The following WDR27 variants were observed in gnomAD, a reference collection of about 807,000 sequenced individuals.
The protein encoded by WDR27 is WD repeat-containing protein 27.
In WDR27, 100 loss-of-function variants were observed where a neutral mutation model predicts 114.4. That is an observed-to-expected ratio of 0.87 (90% CI 0.74 to 1.03). The LOEUF is 1.03. WDR27 is among the 50% of genes least tolerant of loss of function. The pLI is 0.00. For missense variants in WDR27, 1,129 were observed against 1,092.9 expected (o/e 1.03, Z -0.47); for synonymous variants, 449 against 423.1 (o/e 1.06, Z -0.75).
chr6:169,529,402 C>T (rs1385065822), intron 25 of WDR27, among the ~76,000 whole-genome samples: 1 of 150,356 alleles, frequency 6.7e-6, no homozygotes, highest in African/African-American at 2.4e-5. Flanking sequence ...TTTCTATTTT[C>T]CAAAATATGT....
chr6:169,682,690 C>A (rs1354961262), intron 2 of WDR27, among the ~76,000 whole-genome samples: 4 of 152,138 alleles, frequency 2.6e-5, no homozygotes, highest in Non-Finnish European at 5.9e-5. Flanking sequence ...CAAGCATCAG[C>A]AATGCTCAGG....
chr6:169,505,748 T>C (rs1791926421), intron 25 of WDR27, among the ~76,000 whole-genome samples: 2 of 152,256 alleles, frequency 1.3e-5, no homozygotes, highest in South Asian at 4.1e-4. Context: ...CATCATGCCA[T>C]GCCAGTGTCT....
At chr6:169,485,275 A>G (rs979042622) in intron 25 of WDR27, among the ~76,000 whole-genome samples, 1 of 152,246 alleles carries the variant, frequency 6.6e-6, no homozygotes, top group Non-Finnish European at 1.5e-5. Flanking sequence ...CATCTGACGA[A>G]GGTCTAATAA....
At chr6:169,577,343 C>G (rs1201284026) in intron 24 of WDR27, among the ~76,000 whole-genome samples, 1 of 152,302 alleles carries the variant, frequency 6.6e-6, no homozygotes, top group Non-Finnish European at 1.5e-5. Context: ...ATGGCGCCCC[C>G]CGATGTCCAC....
chr6:169,592,849 C>T (rs1806013911), intron 23 of WDR27, among the ~76,000 whole-genome samples: 1 of 152,100 alleles, frequency 6.6e-6, no homozygotes, highest in South Asian at 2.1e-4. Flanking sequence ...TCATGGATTC[C>T]TCTTTTACCG....
chr6:169,659,633 G>C lies in WDR27; in HGVS notation c.1130-115C>G, dbSNP rs948121862. The C allele has an allele frequency of 1.3e-4, 127 of 944,486 alleles. No individual in the cohort carries two copies. The African/African-American group carries it at 1.9e-3, about 14-fold the overall frequency. 58.5% of individuals were successfully genotyped at this position (944,486 alleles called of 1,614,324 possible). ...CCCAGAGCCCACCACACACAGTCCAGGCCCCACCACACACTTTGCAGGCTG... is the reference window on the plus strand; with the variant it reads ...CCCAGAGCCCACCACACACAGTCCACGCCCCACCACACACTTTGCAGGCTG... On this transcript the variant is annotated intron_variant, in intron 10 of 25. Coordinates refer to ENST00000448612, the MANE Select transcript of WDR27 (RefSeq NM_182552.5). The surrounding 1 kb of genome is among the most constrained non-coding windows in gnomAD (Gnocchi z 4.3).
chr6:169,449,266 TCTC>T, the WDR27 span, among the ~76,000 whole-genome samples: 1 of 152,152 alleles, frequency 6.6e-6, no homozygotes, highest in Non-Finnish European at 1.5e-5. Context: ...CATTCACCTC[TCTC>T]CTCTATTCCC....
intron 25 of WDR27, among the ~76,000 whole-genome samples, chr6:169,545,320 A>C (rs1797329766): frequency 6.6e-6 from 1 of 152,240 alleles, no homozygotes; most frequent in Non-Finnish European, 1.5e-5. Flanking sequence ...ACACATAAGA[A>C]AACATCCATG....
intron 16 of WDR27, among the ~76,000 whole-genome samples, chr6:169,646,746 T>C (rs1284917413): frequency 2.5e-5 from 3 of 119,956 alleles, no homozygotes; most frequent in Non-Finnish European, 5.0e-5. Context: ...AGTCTCTGTC[T>C]CAAAAAAAAA....
At chr6:169,521,801 A>T (rs1254124515) in intron 25 of WDR27, among the ~76,000 whole-genome samples, 20 of 152,074 alleles carry the variant, frequency 1.3e-4, no homozygotes, top group Admixed American at 1.3e-3. Flanking sequence ...CCTATAAAAG[A>T]GTGACAAAAA....
chr6:169,522,860 AG>A (rs1794548540), intron 25 of WDR27, among the ~76,000 whole-genome samples: 1 of 151,944 alleles, frequency 6.6e-6, no homozygotes, highest in Non-Finnish European at 1.5e-5. Context: ...AATTCAAAAA[AG>A]TAGAAAGGCT....
chr6:169,564,691 C>CCCACTCGTGGG (rs1800172681), intron 25 of WDR27, among the ~76,000 whole-genome samples: 1 of 115,626 alleles, frequency 8.6e-6, no homozygotes, highest in Admixed American at 9.7e-5. Context: ...GCCCGGTGCT[C>CCCACTCGTGGG]ACACTGGCTC....
intron 25 of WDR27, among the ~76,000 whole-genome samples, chr6:169,542,308 TAAAC>T (rs1468160763): frequency 2.6e-5 from 4 of 152,176 alleles, no homozygotes; most frequent in Non-Finnish European, 4.4e-5. Flanking sequence ...GTTATTAAAT[TAAAC>T]AAAGTAATTG....
At chr6:169,491,338 T>C (rs1292545792) in intron 25 of WDR27, among the ~76,000 whole-genome samples, 4 of 152,162 alleles carry the variant, frequency 2.6e-5, no homozygotes, top group African/African-American at 4.8e-5. Context: ...AGGGTGGGGT[T>C]ACTTAGTAAT....
chr6:169,545,911 G>A (rs548487979), intron 25 of WDR27, among the ~76,000 whole-genome samples: 2 of 151,578 alleles, frequency 1.3e-5, no homozygotes, highest in African/African-American at 4.8e-5. Context: ...AAACAACAAA[G>A]AGTACAATTA....
At chr6:169,548,761 A>G (rs1273031143) in intron 25 of WDR27, among the ~76,000 whole-genome samples, 2 of 152,210 alleles carry the variant, frequency 1.3e-5, no homozygotes, top group Non-Finnish European at 2.9e-5. Context: ...AATACAGCCA[A>G]CAGATCTTTG....
chr6:169,488,946 C>CA (rs374279199), intron 25 of WDR27, among the ~76,000 whole-genome samples: 5 of 135,560 alleles, frequency 3.7e-5, no homozygotes. Flanking sequence ...TTGATGCCCC[C>CA]TTTTTTTTTT....
intron 21 of WDR27, among the ~76,000 whole-genome samples, chr6:169,628,516 G>A (rs942469419): frequency 1.3e-5 from 2 of 152,162 alleles, no homozygotes; most frequent in Non-Finnish European, 2.9e-5. Context: ...GGTAAAACAA[G>A]TTTATTCAAT....
At chr6:169,543,416 G>A (rs1797068925) in intron 25 of WDR27, among the ~76,000 whole-genome samples, 2 of 152,124 alleles carry the variant, frequency 1.3e-5, no homozygotes, top group Non-Finnish European at 2.9e-5. Flanking sequence ...AGTTATTGAG[G>A]ATTCCAAAGG....
Sources: gnomAD v4.1 joint callset for allele counts (sites outside exome capture counted in the v4.1 genomes callset) on GRCh38, gnomAD v4.1.1 for gene constraint, Gnocchi (gnomAD v3.1) non-coding constraint, MANE v1.5 for transcripts, NCBI Gene and HGNC (gene_info 2026-07-23, HGNC 2026-07-21) for gene names.